The following GRAMD4 variants were observed in gnomAD, a reference collection of about 807,000 sequenced individuals.
The protein encoded by GRAMD4 is GRAM domain-containing protein 4.
In GRAMD4, 25 loss-of-function variants were observed where a neutral mutation model predicts 83.9. The ratio of observed to expected loss-of-function variants is 0.30; its 90% confidence interval spans 0.22 to 0.42. The LOEUF is 0.42. Ranked by LOEUF, GRAMD4 falls within the 10% of genes least tolerant of loss-of-function variation. The pLI, the probability that GRAMD4 is intolerant of heterozygous loss-of-function variation, is 1.00. For synonymous variants in GRAMD4, 336 were observed against 320.9 expected (o/e 1.05, Z -0.50); for missense variants, 593 against 788.7 (o/e 0.75, Z 2.97).
At chr22:46,661,294 C>T (rs2076707) in intron 4 of GRAMD4, 87 bp from the exon 5 acceptor site, 285,347 of 959,850 alleles carry the variant, frequency 0.3, 43,757 homozygotes, top group East Asian at 0.39. Flanking sequence ...GTGCAGTACA[C>T]GGTCGCGAGA....
chr22:46,680,725 CCCATCCATCCACCCACCCAT>C (rs1443430871), downstream of GRAMD4, among the ~76,000 whole-genome samples: 766 of 105,558 alleles, frequency 7.3e-3, 7 homozygotes, highest in African/African-American at 0.016. Flanking sequence ...CACCCACCCA[CCCATCCATCCACCCACCCAT>C]CCATCCATCC....
rs369627165 is a variant in GRAMD4, at chr22:46,593,742, G to A, written c.-50+16452G>A. On this transcript the variant is annotated intron_variant, in intron 1 of 1. Transcript: ENST00000431155. ...TTTCATTATTTTTATTTATTTTTTT[G>A]AGATGGAGTCTTGCTCAGTCACCCA... Among the ~76,000 whole-genome samples the A allele has an allele frequency of 1.3e-3, 205 of 151,910 alleles. 1 individual carries two copies. Among genetic ancestry groups the A allele is most frequent in the African/African-American group, 3.7e-3 (155 of 41,432 alleles).
At chr22:46,669,994 A>G (rs1035536857) in intron 13 of GRAMD4, among the ~76,000 whole-genome samples, 5 of 152,304 alleles carry the variant, frequency 3.3e-5, no homozygotes, top group Admixed American at 3.3e-4. Flanking sequence ...CGAGGCCGCC[A>G]GGGTCCTGTC....
chr22:46,655,627 C>T (rs2082231989), intron 3 of GRAMD4, among the ~76,000 whole-genome samples: 1 of 152,190 alleles, frequency 6.6e-6, no homozygotes, highest in South Asian at 2.1e-4. Context: ...GGGGTAGCTC[C>T]CTCAGCCCTG....
intron 2 of GRAMD4, among the ~76,000 whole-genome samples, chr22:46,634,239 TG>T (rs1162713508): frequency 1.3e-5 from 2 of 152,202 alleles, no homozygotes; most frequent in Non-Finnish European, 2.9e-5. Context: ...TTAATGATTA[TG>T]ACTTCCTCCT....
At chr22:46,680,837 TC>T (rs1569313871), downstream of GRAMD4, among the ~76,000 whole-genome samples, 46 of 103,594 alleles carry the variant, frequency 4.4e-4, no homozygotes, top group African/African-American at 2.1e-3. Context: ...CATCCATCCA[TC>T]CATCCATCCA....
intron 1 of GRAMD4, among the ~76,000 whole-genome samples, chr22:46,623,740 G>A (rs1022952635): frequency 6.6e-6 from 1 of 151,434 alleles, no homozygotes; most frequent in Non-Finnish European, 1.5e-5. Flanking sequence ...GTATTAGGAA[G>A]TGGTCTTGTC....
intron 3 of GRAMD4, among the ~76,000 whole-genome samples, chr22:46,644,697 GTTTTTTTTTT>G (rs71192437): frequency 6.2e-5 from 6 of 97,338 alleles, no homozygotes; most frequent in African/African-American, 2.0e-4. Context: ...CTTGTTCCCT[GTTTTTTTTTT>G]TTTTTTTTTT....
In GRAMD4 at chr22:46,678,840, G is replaced by C. The variant is rs1179882805; in HGVS notation, c.*1589G>C. ...TGGTGCCGGGGGTGCTTTGGGGGGAGCTGCGCCGATCACCAGATTAAGCAC... is the reference window on the plus strand; with the variant it reads ...TGGTGCCGGGGGTGCTTTGGGGGGACCTGCGCCGATCACCAGATTAAGCAC... On this transcript the variant is annotated 3_prime_UTR_variant, in exon 19 of 19. Coordinates refer to ENST00000406902, the MANE Select transcript of GRAMD4 (RefSeq NM_015124.5). The C allele has an allele frequency of 1.0e-6, 1 of 986,038 alleles. No homozygotes were observed. Among genetic ancestry groups the C allele is most frequent in the African/African-American group, 1.7e-5 (1 of 57,258 alleles). 61.1% of individuals were successfully genotyped at this position (986,038 alleles called of 1,614,324 possible). A position where few individuals can be genotyped will look rare whatever the true frequency, so the allele number is the denominator to read the frequency against.
intron 1 of GRAMD4, among the ~76,000 whole-genome samples, chr22:46,583,181 C>T (rs1283028240): frequency 6.6e-6 from 1 of 152,236 alleles, no homozygotes; most frequent in South Asian, 2.1e-4. Context: ...GCTTCGGTCT[C>T]TCAAAGTGCT....
rs71192432 is a variant in GRAMD4, at chr22:46,620,594, G to GC, written c.-50+29_-50+30insC. The stretch of plus-strand genomic sequence containing the variant: ...GGGGGCAGGGGGCAGGGGGCAGGGG[G>GC]ACATGGTAGGGCCCATCTGAGTGGA... On this transcript the variant is annotated intron_variant, in intron 1 of 18. Coordinates refer to ENST00000406902, the MANE Select transcript of GRAMD4 (RefSeq NM_015124.5). The surrounding 1 kb of genome is among the most constrained non-coding windows in gnomAD (Gnocchi z 4.7). 1 of 278,146 alleles carries GC rather than the reference G, an allele frequency of 3.6e-6. No homozygotes were observed. The highest frequency in any genetic ancestry group is 5.0e-6 in the Non-Finnish European group (1 of 198,174). 17.2% of individuals were successfully genotyped at this position (278,146 alleles called of 1,614,324 possible).
intron 3 of GRAMD4, among the ~76,000 whole-genome samples, chr22:46,657,355 T>G (rs1036098945): frequency 1.3e-5 from 2 of 152,186 alleles, no homozygotes; most frequent in Non-Finnish European, 2.9e-5. Context: ...AGGCTTGCCC[T>G]TAGGTGACCC....
At chr22:46,658,690 G>C (rs2082282045) in intron 4 of GRAMD4, among the ~76,000 whole-genome samples, 2 of 152,096 alleles carry the variant, frequency 1.3e-5, no homozygotes, top group African/African-American at 4.8e-5. Context: ...CATCCACCCA[G>C]TGCCCCACCC....
chr22:46,594,184 C>T (rs976496443), intron 1 of GRAMD4, among the ~76,000 whole-genome samples: 2 of 151,764 alleles, frequency 1.3e-5, no homozygotes, highest in Non-Finnish European at 2.9e-5. Context: ...ACGCCCGGCT[C>T]CTGCCCCAGC....
chr22:46,577,432 GA>G, intron 1 of GRAMD4: 27 of 309,300 alleles, frequency 8.7e-5, no homozygotes, highest in Non-Finnish European at 1.2e-4. Flanking sequence ...CCGAGCCGGC[GA>G]CCCTCCGAGC....
At chr22:46,624,820 C>A (rs1376577341) in intron 1 of GRAMD4, among the ~76,000 whole-genome samples, 1 of 151,882 alleles carries the variant, frequency 6.6e-6, no homozygotes, top group Non-Finnish European at 1.5e-5. Context: ...GGATGCTGGG[C>A]ATCAGGACAG....
chr22:46,627,706 T>C (rs528753527), intron 2 of GRAMD4, among the ~76,000 whole-genome samples: 6 of 152,356 alleles, frequency 3.9e-5, no homozygotes, highest in African/African-American at 1.2e-4. Context: ...CCAGGTCTTC[T>C]TTCCAGGTGT....
intron 7 of GRAMD4, 41 bp downstream of exon 7, chr22:46,663,904 T>A (rs1367682168): frequency 6.2e-7 from 1 of 1,606,514 alleles, no homozygotes; most frequent in Non-Finnish European, 8.5e-7. Flanking sequence ...CGATGCTCAG[T>A]GTGGGTGGGG....
rs1284039416 is a variant in GRAMD4, at chr22:46,663,084, T to C, written c.511T>C (p.Tyr171His). ...GLSSRLQKWF[Y>H]ERFGEYVEDF... ...GTCCTCGCGCCTGCAGAAGTGGTTCTACGAGCGGTTTGGGGAGTACGTGGA... is the reference window on the plus strand; with the variant it reads ...GTCCTCGCGCCTGCAGAAGTGGTTCCACGAGCGGTTTGGGGAGTACGTGGA... The change falls in exon 6 of 19, where the codon TAC (tyrosine) becomes CAC (histidine). Residue 171 changes from tyrosine to histidine, a missense_variant. Tyr to His is a moderately conservative substitution (Grantham distance 83, BLOSUM62 2). Around this residue, in one of 4 missense-constraint regions of GRAMD4, gnomAD observed 312 missense variants for 350.7 expected, o/e 0.89. Coordinates refer to ENST00000406902, the MANE Select transcript of GRAMD4 (RefSeq NM_015124.5). 1 of 1,612,230 alleles carries C rather than the reference T, an allele frequency of 6.2e-7. No individual in the cohort carries two copies. Among genetic ancestry groups the C allele is most frequent in the Admixed American group, 1.7e-5 (1 of 60,012 alleles).
Sources: gnomAD v4.1 joint callset for allele counts (sites outside exome capture counted in the v4.1 genomes callset) on GRCh38, gnomAD v4.1.1 for gene constraint, gnomAD v4.1.1 regional missense constraint, Gnocchi (gnomAD v3.1) non-coding constraint, MANE v1.5 for transcripts, NCBI Gene and HGNC (gene_info 2026-07-23, HGNC 2026-07-21) for gene names.